CFI: variants seen among roughly 807,000 people sequenced by gnomAD.
CFI encodes C3B/C4B inactivator.
In CFI, 66 loss-of-function variants were observed where a neutral mutation model predicts 78.8. That is an observed-to-expected ratio of 0.84 (90% confidence interval 0.69 to 1.03). CFI has a LOEUF of 1.03. Ranked by LOEUF, CFI falls within the 50% of genes least tolerant of loss-of-function variation. The pLI is 0.00. For missense variants in CFI, 706 were observed against 704.5 expected (o/e 1.00, Z -0.02); for synonymous variants, 250 against 232.6 (o/e 1.07, Z -0.68).
intron 1 of CFI, among the ~76,000 whole-genome samples, chr4:109,792,303 G>C (rs1309335599): frequency 1.3e-5 from 2 of 152,076 alleles, no homozygotes; most frequent in Non-Finnish European, 2.9e-5. Context: ...TTCTGGTCAG[G>C]CACAGTGACT....
chr4:109,801,895 A>T lies in CFI; in HGVS notation c.57+20T>A. 1 of 1,533,746 alleles carries T rather than the reference A, an allele frequency of 6.5e-7. No individual in the cohort carries two copies. ...TAAATTATCAATTAAAATTGTTTGC[A>T]TAAAGGTTGAATTACTTACCTTGCA... On this transcript the variant is annotated intron_variant, in intron 1 of 12. Transcript: ENST00000394634.
intron 1 of CFI, among the ~76,000 whole-genome samples, chr4:109,789,661 A>T (rs951949284): frequency 6.6e-6 from 1 of 152,092 alleles, no homozygotes; most frequent in Non-Finnish European, 1.5e-5. Flanking sequence ...TACAAGAAAA[A>T]GCAGAAGGAA....
chr4:109,796,115 C>A (rs1349284404), intron 1 of CFI, among the ~76,000 whole-genome samples: 3 of 152,164 alleles, frequency 2.0e-5, no homozygotes, highest in African/African-American at 4.8e-5. Context: ...AGAAAAGCAA[C>A]TTGTCATATA....
chr4:109,737,549 G>A (rs933338939), downstream of CFI, among the ~76,000 whole-genome samples: 1 of 152,166 alleles, frequency 6.6e-6, no homozygotes, highest in Non-Finnish European at 1.5e-5. Context: ...TAAGACGATG[G>A]CAGAGCTCCA....
Position 109,782,126 on chromosome 4 carries a change from T to C in CFI, c.58-15302A>G, listed in dbSNP as rs563524877. Among the ~76,000 whole-genome samples the C allele has an allele frequency of 4.6e-5, 7 of 152,192 alleles. No homozygotes were observed. The East Asian group carries it at 1.3e-3, about 29-fold the overall frequency. Reference sequence around the variant, plus strand: ...AGACAAGGATGCCCACTCTCACCATTCCTCTTCAACACAGTATTGGAAGTC... The same window carrying C: ...AGACAAGGATGCCCACTCTCACCATCCCTCTTCAACACAGTATTGGAAGTC... On this transcript the variant is annotated intron_variant, in intron 1 of 12. Transcript: ENST00000394634.
At chr4:109,742,162 AT>A (rs1723879787) in intron 12 of CFI, 3 of 287,314 alleles carry the variant, frequency 1.0e-5, no homozygotes, top group African/African-American at 4.3e-5. Flanking sequence ...ATGATCTTCA[AT>A]TTTACAAATG....
At chr4:109,760,216 T>C (rs1726861175) in intron 6 of CFI, 54 bp downstream of exon 6, 1 of 1,277,722 alleles carries the variant, frequency 7.8e-7, no homozygotes, top group Non-Finnish European at 1.1e-6. Context: ...AAGAAAAGTT[T>C]CAGAATCCCT....
rs1423629381 is a variant in CFI at position 109,761,662 on chromosome 4, C to A, written c.513G>T (p.Leu171Phe). 4 of 1,613,520 alleles carry A rather than the reference C, an allele frequency of 2.5e-6. No homozygotes were observed. The highest frequency in any genetic ancestry group is 1.3e-5 in the African/African-American group (1 of 75,020). Residue 171 changes from leucine to phenylalanine, a missense_variant, in exon 4 of 13, where the codon TTG becomes TTT. Leu to Phe is a conservative substitution (Grantham distance 22). Coordinates refer to ENST00000394634, the MANE Select transcript of CFI (RefSeq NM_000204.5). ...QGADTQRRFK[L>F]SDLSINSTEC... ...CAGTGGAATTTATAGAGAGATCAGACAACTTAAACCTTCTTTGAGTATCAG... is the reference window on the plus strand; with the variant it reads ...CAGTGGAATTTATAGAGAGATCAGAAAACTTAAACCTTCTTTGAGTATCAG...
intron 8 of CFI, among the ~76,000 whole-genome samples, chr4:109,751,495 G>A (rs1163839814): frequency 6.8e-6 from 1 of 148,146 alleles, no homozygotes. Context: ...AGGCTGGAGG[G>A]CAGTGGCACA....
chr4:109,734,038 G>C, the CFI span, among the ~76,000 whole-genome samples: 1 of 152,136 alleles, frequency 6.6e-6, no homozygotes, highest in Non-Finnish European at 1.5e-5. Context: ...CAGGCATGGT[G>C]GTACATGCCT....
chr4:109,792,245 A>T (rs776812393), intron 1 of CFI, among the ~76,000 whole-genome samples: 10 of 152,130 alleles, frequency 6.6e-5, no homozygotes, highest in Non-Finnish European at 1.2e-4. Context: ...TATTCATTAT[A>T]GAAAGTGGAG....
At chr4:109,769,417 G>T (rs770800973) in intron 1 of CFI, among the ~76,000 whole-genome samples, 2 of 152,104 alleles carry the variant, frequency 1.3e-5, no homozygotes, top group African/African-American at 4.8e-5. Flanking sequence ...TGCTTCCAGG[G>T]TGTGTGATGG....
intron 1 of CFI, among the ~76,000 whole-genome samples, chr4:109,786,016 T>C (rs1440724130): frequency 6.6e-6 from 1 of 151,838 alleles, no homozygotes; most frequent in Non-Finnish European, 1.5e-5. Flanking sequence ...AATGGACTAA[T>C]ACAATGGGCT....
At chr4:109,778,898 T>C (rs1729630989) in intron 1 of CFI, among the ~76,000 whole-genome samples, 1 of 152,162 alleles carries the variant, frequency 6.6e-6, no homozygotes, top group Non-Finnish European at 1.5e-5. Flanking sequence ...ATTATCTCAA[T>C]AGATGCAGAA....
chr4:109,783,773 C>T (rs976748893), intron 1 of CFI, among the ~76,000 whole-genome samples: 3 of 145,762 alleles, frequency 2.1e-5, no homozygotes, highest in East Asian at 2.0e-4. Context: ...CAGAGCCAAT[C>T]CAAATGCCCA....
the CFI span, among the ~76,000 whole-genome samples, chr4:109,732,647 G>A: frequency 6.6e-6 from 1 of 152,068 alleles, no homozygotes; most frequent in Admixed American, 6.5e-5. Flanking sequence ...CACGAGGTCA[G>A]GAGATCGAGA....
chr4:109,786,743 A>G (rs1730796050), intron 1 of CFI, among the ~76,000 whole-genome samples: 1 of 152,138 alleles, frequency 6.6e-6, no homozygotes, highest in Non-Finnish European at 1.5e-5. Context: ...TGTGGAAAAT[A>G]AAAATAATGT....
intron 1 of CFI, among the ~76,000 whole-genome samples, chr4:109,777,240 A>G (rs1260045086): frequency 1.3e-5 from 2 of 152,220 alleles, no homozygotes; most frequent in Non-Finnish European, 2.9e-5. Context: ...CTATGTGTGC[A>G]GAGACACACA....
At chr4:109,743,663 A>G in intron 11 of CFI, among the ~76,000 whole-genome samples, 1 of 152,226 alleles carries the variant, frequency 6.6e-6, no homozygotes, top group African/African-American at 2.4e-5. Flanking sequence ...GATTAAGGAC[A>G]TATCTAACTA....
Sources: allele counts gnomAD v4.1 joint callset (sites outside exome capture counted in the v4.1 genomes callset), GRCh38; gene constraint gnomAD v4.1.1; transcripts MANE v1.5; gene names NCBI Gene and HGNC (gene_info 2026-07-23, HGNC 2026-07-21).